Variants in CYTH1 observed in about 807,000 individuals in gnomAD.
CYTH1 encodes the protein cytohesin-1.
In CYTH1, 18 loss-of-function variants were observed where a neutral mutation model predicts 61.8. The ratio of observed to expected loss-of-function variants is 0.29; its 90% CI spans 0.20 to 0.43. The LOEUF is 0.43. Among genes scored for constraint, CYTH1 ranks in the 20% least tolerant of loss-of-function variants. The pLI is 1.00. For synonymous variants in CYTH1, 174 were observed against 184.3 expected (o/e 0.94, Z 0.45); for missense variants, 336 against 510.5 (o/e 0.66, Z 3.29).
chr17:78,682,576 G>A (rs1567824369), intron 11 of CYTH1, among the ~76,000 whole-genome samples: 3 of 152,086 alleles, frequency 2.0e-5, no homozygotes, highest in African/African-American at 7.2e-5. Flanking sequence ...CCTGAGAAAG[G>A]GTGTGTGGGT....
At chr17:78,676,806 G>C (rs371808331) in intron 13 of CYTH1, 12 of 359,798 alleles carry the variant, frequency 3.3e-5, no homozygotes, top group Non-Finnish European at 6.1e-5. Context: ...AGCGCAGGCC[G>C]CGCCGCGGGC....
rs1284303034 is a variant in CYTH1 at position 78,775,060 on chromosome 17, C to T, written c.22+7142G>A. 5.9e-5 allele frequency among the ~76,000 whole-genome samples: 9 copies of T among 152,376 alleles called. No individual in the cohort carries two copies. The East Asian group carries it at 1.7e-3, about 29-fold the overall frequency. On this transcript the variant is annotated intron_variant, in intron 1 of 13. Coordinates refer to ENST00000446868, the MANE Select transcript of CYTH1 (RefSeq NM_004762.6). ...CCTGGACTTGCTGCCTGCTTTCCCTCTGTGCCACTAGGCACCCACCCCTGC... is the reference window on the plus strand; with the variant it reads ...CCTGGACTTGCTGCCTGCTTTCCCTTTGTGCCACTAGGCACCCACCCCTGC...
chr17:78,687,067 C>T (rs138124568), intron 11 of CYTH1, among the ~76,000 whole-genome samples: 280 of 152,252 alleles, frequency 1.8e-3, no homozygotes, highest in African/African-American at 6.3e-3. Context: ...AGGAGTGAGC[C>T]ACCGCGCCCA....
Position 78,717,242 on chromosome 17 carries a change from G to A in CYTH1, c.23-7510C>T, listed in dbSNP as rs2042089599. On this transcript the variant is annotated intron_variant, in intron 1 of 13. Coordinates refer to ENST00000446868, the MANE Select transcript of CYTH1 (RefSeq NM_004762.6). This position sits in a 1 kb window ranked among gnomAD's most constrained non-coding sequence, Gnocchi z 4.4. Reference sequence around the variant, plus strand: ...ATGGAGACAAACCAGAGGGGGAGCCGCCCTGACACACCACCCGGTCGCTCG... The same window carrying A: ...ATGGAGACAAACCAGAGGGGGAGCCACCCTGACACACCACCCGGTCGCTCG... Among the ~76,000 whole-genome samples the A allele has an allele frequency of 1.3e-5, 2 of 152,136 alleles. No homozygotes were observed. Among genetic ancestry groups the A allele is most frequent in the African/African-American group, 2.4e-5 (1 of 41,424 alleles).
At chr17:78,757,793 G>A (rs945776035) in intron 1 of CYTH1, among the ~76,000 whole-genome samples, 2 of 151,758 alleles carry the variant, frequency 1.3e-5, no homozygotes, top group East Asian at 3.9e-4. Context: ...AATTAGCCAG[G>A]CATGGCTACT....
rs1265624941 is a variant in CYTH1, at chr17:78,717,257, C to T, written c.23-7525G>A. 2.0e-5 allele frequency among the ~76,000 whole-genome samples: 3 copies of T among 152,146 alleles called. No homozygotes were observed. The highest frequency in any genetic ancestry group is 6.5e-5 in the Admixed American group (1 of 15,280). On this transcript the variant is annotated intron_variant, in intron 1 of 13. Coordinates refer to ENST00000446868, the MANE Select transcript of CYTH1 (RefSeq NM_004762.6). This position sits in a 1 kb window ranked among gnomAD's most constrained non-coding sequence, Gnocchi z 4.4. ...AGGGGGAGCCGCCCTGACACACCAC[C>T]CGGTCGCTCGCCCTCCTCGCCCATT...
intron 1 of CYTH1, among the ~76,000 whole-genome samples, chr17:78,738,685 TTTGGTTTAGTATGTCA>T: frequency 6.6e-6 from 1 of 152,294 alleles, no homozygotes; most frequent in South Asian, 2.1e-4. Flanking sequence ...CGTGTCACCT[TTTGGTTTAGTATGTCA>T]AAATCACAGT....
rs1197188231 is a variant in CYTH1 at position 78,675,254 on chromosome 17, G to A, written c.*837C>T. On this transcript the variant is annotated 3_prime_UTR_variant, in exon 14 of 14. Transcript: ENST00000446868. ...AACAAGAACTTGGATTCTGAAGGAG[G>A]AAAATAACGTAAGCGTCCAGTCAGC... 2.0e-5 allele frequency: 3 copies of A among 152,278 alleles called. No homozygotes were observed. The highest frequency in any genetic ancestry group is 2.0e-4 in the Admixed American group (3 of 15,294). 9.4% of individuals were successfully genotyped at this position (152,278 alleles called of 1,614,324 possible). A position where few individuals can be genotyped will look rare whatever the true frequency, so the allele number is the denominator to read the frequency against.
chr17:78,769,773 T>C (rs1056308425), intron 1 of CYTH1, among the ~76,000 whole-genome samples: 34 of 152,166 alleles, frequency 2.2e-4, no homozygotes, highest in African/African-American at 7.5e-4. Context: ...TTCTGACACT[T>C]TGGGAGGCCG....
intron 1 of CYTH1, among the ~76,000 whole-genome samples, chr17:78,726,849 C>T (rs932253671): frequency 6.6e-6 from 1 of 152,178 alleles, no homozygotes; most frequent in Admixed American, 6.5e-5. Context: ...CACTGCACCG[C>T]GGTCTGCACT....
chr17:78,751,462 G>T (rs550246758), intron 1 of CYTH1, among the ~76,000 whole-genome samples: 23 of 131,482 alleles, frequency 1.7e-4, no homozygotes, highest in African/African-American at 6.1e-4. Context: ...CACCAGCAAA[G>T]GCACAAAAAT....
At chr17:78,702,388 T>A in intron 4 of CYTH1, 148 bp from the exon 5 acceptor site, 2 of 1,031,026 alleles carry the variant, frequency 1.9e-6, no homozygotes, top group Non-Finnish European at 2.9e-6. Context: ...GGAGTCACAG[T>A]TTAGGAACAA....
rs1455140869 is a variant in CYTH1 at position 78,753,685 on chromosome 17, A to G, written c.22+28517T>C. ...CAGTGTATAATAAGGTACTAAATGGACTAAATAGGTGATTTGCCATACTCC... is the reference window on the plus strand; with the variant it reads ...CAGTGTATAATAAGGTACTAAATGGGCTAAATAGGTGATTTGCCATACTCC... On this transcript the variant is annotated intron_variant, in intron 1 of 13. Transcript: ENST00000446868. Among the ~76,000 whole-genome samples the G allele has an allele frequency of 7.9e-5, 12 of 152,168 alleles. No homozygotes were observed. In the South Asian group the frequency reaches 2.3e-3, roughly 29 times the overall value.
intron 1 of CYTH1, among the ~76,000 whole-genome samples, chr17:78,755,960 A>C (rs540409683): frequency 2.6e-5 from 4 of 151,708 alleles, no homozygotes; most frequent in Admixed American, 6.6e-5. Context: ...AGGGCCATGA[A>C]GCATCTTTTT....
At chr17:78,711,813 G>A (rs1000360417) in intron 1 of CYTH1, among the ~76,000 whole-genome samples, 1 of 151,474 alleles carries the variant, frequency 6.6e-6, no homozygotes, top group African/African-American at 2.4e-5. Context: ...AGGCCTTGTA[G>A]CTCACGCCTG....
rs368675508 is a variant in CYTH1 at position 78,674,591 on chromosome 17, C to A, written c.*1500G>T. ...TGCAAAAGCTATTTCCAGAGATGCT[C>A]GCCAACCCTAAAGGATCAGAGGAGC... On this transcript the variant is annotated 3_prime_UTR_variant, in exon 14 of 14. Transcript: ENST00000446868. The A allele has an allele frequency of 1.3e-5, 2 of 152,328 alleles. No homozygotes were observed. Among genetic ancestry groups the A allele is most frequent in the African/African-American group, 4.8e-5 (2 of 41,466 alleles). 9.4% of individuals were successfully genotyped at this position (152,328 alleles called of 1,614,324 possible). A position where few individuals can be genotyped will look rare whatever the true frequency, so the allele number is the denominator to read the frequency against.
At chr17:78,720,897 A>G (rs551187324) in intron 1 of CYTH1, among the ~76,000 whole-genome samples, 22 of 152,158 alleles carry the variant, frequency 1.4e-4, no homozygotes, top group East Asian at 9.8e-4. Flanking sequence ...ATATAAAATA[A>G]ACAAAAATTT....
chr17:78,730,572 A>C (rs1186077133), intron 1 of CYTH1, among the ~76,000 whole-genome samples: 1 of 151,866 alleles, frequency 6.6e-6, no homozygotes, highest in African/African-American at 2.4e-5. Flanking sequence ...CAAAAAAAGA[A>C]ATTCACTGCA....
At chr17:78,761,630 T>C (rs9302884) in intron 1 of CYTH1, among the ~76,000 whole-genome samples, 152,084 of 152,242 alleles carry the variant, frequency 1, 75,963 homozygotes, top group Middle Eastern at 1. Context: ...CCCAGCTACT[T>C]GGGAGGCTGA....
Sources: allele counts gnomAD v4.1 joint callset (sites outside exome capture counted in the v4.1 genomes callset), GRCh38; gene constraint gnomAD v4.1.1; non-coding constraint Gnocchi (gnomAD v3.1); transcripts MANE v1.5; gene names NCBI Gene and HGNC (gene_info 2026-07-23, HGNC 2026-07-21).